COG5: variants seen among roughly 807,000 people sequenced by gnomAD.
COG5 encodes conserved oligomeric Golgi complex subunit 5.
A neutral mutation model predicts 110.4 loss-of-function variants in COG5; 86 were observed. The observed-to-expected ratio is 0.78, with a 90% CI of 0.65 to 0.93. The LOEUF is 0.93. Ranked by LOEUF, COG5 falls within the 40% of genes least tolerant of loss-of-function variation. The pLI, the probability that COG5 is intolerant of heterozygous loss-of-function variation, is 0.00. For missense variants in COG5, 1,077 were observed against 987.0 expected (o/e 1.09, Z -1.22); for synonymous variants, 360 against 334.6 (o/e 1.08, Z -0.83).
intron 14 of COG5, among the ~76,000 whole-genome samples, chr7:107,270,715 T>C (rs529701106): frequency 1.3e-5 from 2 of 152,252 alleles, no homozygotes; most frequent in Non-Finnish European, 2.9e-5. Context: ...AATGTTATTT[T>C]AGGCAGTTGA....
intron 16 of COG5, 106 bp from the exon 17 acceptor site, chr7:107,248,605 T>C: frequency 1.3e-6 from 1 of 755,660 alleles, no homozygotes; most frequent in Non-Finnish European, 2.2e-6. Context: ...TTTCATATTA[T>C]ATCAAATGCA....
chr7:107,552,336 T>C (rs565727819), intron 3 of COG5, among the ~76,000 whole-genome samples: 1 of 152,318 alleles, frequency 6.6e-6, no homozygotes, highest in South Asian at 2.1e-4. Context: ...ATCAATAGAA[T>C]AAACAGACAA....
At chr7:107,484,437 G>T (rs1254379203) in intron 6 of COG5, among the ~76,000 whole-genome samples, 2 of 152,068 alleles carry the variant, frequency 1.3e-5, no homozygotes, top group African/African-American at 2.4e-5. Flanking sequence ...ACAGGGAAAA[G>T]GAGCTGATTA....
At chr7:107,497,603 T>C (rs973115584) in intron 6 of COG5, among the ~76,000 whole-genome samples, 7 of 152,106 alleles carry the variant, frequency 4.6e-5, no homozygotes, top group Non-Finnish European at 7.4e-5. Flanking sequence ...GAAAGACCTG[T>C]ATATTCAAAA....
intron 6 of COG5, among the ~76,000 whole-genome samples, chr7:107,459,600 A>G (rs1795865682): frequency 6.6e-6 from 1 of 152,094 alleles, no homozygotes. Context: ...GTTTAAGACC[A>G]GCCTGGGCAA....
chr7:107,211,352 T>C (rs1224743582), intron 19 of COG5, 127 bp from the exon 20 acceptor site: 2 of 1,023,878 alleles, frequency 2.0e-6, no homozygotes, highest in Middle Eastern at 2.2e-4. Context: ...CCTCCACTGC[T>C]TAACCACTCT....
Position 107,355,374 on chromosome 7 carries a change from A to G in COG5, c.1026+6659T>C, listed in dbSNP as rs114825084. ...GTTTGGCAGTTTCTTACTAAGCTAC[A>G]TATAGTCTAACAATACAGTCAGCAA... is the stretch of plus-strand genomic sequence containing the variant. On this transcript the variant is annotated intron_variant, in intron 10 of 21. Transcript: ENST00000297135. 2.9e-3 allele frequency among the ~76,000 whole-genome samples: 435 copies of G among 152,324 alleles called. 2 individuals are homozygous for G. The highest frequency in any genetic ancestry group is 9.9e-3 in the African/African-American group (410 of 41,580).
intron 14 of COG5, among the ~76,000 whole-genome samples, chr7:107,275,997 C>T (rs766874754): frequency 6.6e-5 from 10 of 151,886 alleles, no homozygotes; most frequent in Non-Finnish European, 1.0e-4. Context: ...AAAATAAAAC[C>T]TTAGTGTCTA....
At chr7:107,355,584 T>C (rs1017211514) in intron 10 of COG5, among the ~76,000 whole-genome samples, 1 of 152,184 alleles carries the variant, frequency 6.6e-6, no homozygotes, top group African/African-American at 2.4e-5. Flanking sequence ...TGGAATATTG[T>C]TCAGTGATTA....
chr7:107,494,060 T>C (rs912753634), intron 6 of COG5, among the ~76,000 whole-genome samples: 1 of 152,194 alleles, frequency 6.6e-6, no homozygotes, highest in Admixed American at 6.6e-5. Context: ...AACATTCTTA[T>C]ATCCGTTTGT....
At chr7:107,387,067 G>T (rs755760091) in intron 7 of COG5, among the ~76,000 whole-genome samples, 1 of 152,222 alleles carries the variant, frequency 6.6e-6, no homozygotes, top group Non-Finnish European at 1.5e-5. Flanking sequence ...AGTGGCATTA[G>T]AAGGGGAGTT....
At chr7:107,249,764 A>T (rs1295407672) in intron 16 of COG5, among the ~76,000 whole-genome samples, 1 of 150,660 alleles carries the variant, frequency 6.6e-6, no homozygotes, top group Non-Finnish European at 1.5e-5. Context: ...CCCTCCATAC[A>T]GGAGCTCAGA....
intron 6 of COG5, among the ~76,000 whole-genome samples, chr7:107,511,505 A>T (rs928932487): frequency 2.0e-5 from 3 of 152,240 alleles, no homozygotes; most frequent in Non-Finnish European, 4.4e-5. Flanking sequence ...AAACTATTCC[A>T]ATCAATAGAA....
chr7:107,527,680 A>T (rs1800876249), intron 5 of COG5, among the ~76,000 whole-genome samples: 1 of 152,232 alleles, frequency 6.6e-6, no homozygotes, highest in Non-Finnish European at 1.5e-5. Flanking sequence ...ACACGGAAGT[A>T]CTATATTTAC....
At chr7:107,332,838 C>T (rs1191011413) in intron 10 of COG5, among the ~76,000 whole-genome samples, 1 of 151,914 alleles carries the variant, frequency 6.6e-6, no homozygotes, top group African/African-American at 2.4e-5. Context: ...GATGGTAAAA[C>T]ACTGAAAAGA....
intron 6 of COG5, among the ~76,000 whole-genome samples, chr7:107,420,582 T>A (rs1230447960): frequency 6.6e-6 from 1 of 152,172 alleles, no homozygotes; most frequent in Non-Finnish European, 1.5e-5. Context: ...TGCCTCAGCC[T>A]CCTGAGTAGC....
intron 16 of COG5, among the ~76,000 whole-genome samples, chr7:107,254,007 A>C (rs1802704809): frequency 6.6e-6 from 1 of 152,162 alleles, no homozygotes; most frequent in Non-Finnish European, 1.5e-5. Flanking sequence ...CCTCACTACA[A>C]TAAAAGCTCT....
intron 6 of COG5, among the ~76,000 whole-genome samples, chr7:107,453,504 C>G (rs1007204479): frequency 4.6e-5 from 7 of 152,120 alleles, no homozygotes; most frequent in African/African-American, 1.7e-4. Flanking sequence ...AAACAAGTTA[C>G]TATAAATTAA....
intron 11 of COG5, among the ~76,000 whole-genome samples, chr7:107,316,596 G>A (rs951540192): frequency 5.4e-5 from 8 of 147,316 alleles, no homozygotes; most frequent in African/African-American, 7.6e-5. Context: ...GGCGGATCAC[G>A]AGGTCTGGAG....
Sources: gnomAD v4.1 joint callset for allele counts (sites outside exome capture counted in the v4.1 genomes callset) on GRCh38, gnomAD v4.1.1 for gene constraint, MANE v1.5 for transcripts, NCBI Gene and HGNC (gene_info 2026-07-23, HGNC 2026-07-21) for gene names.